The following CUBN variants were observed in gnomAD, a reference collection of about 807,000 sequenced individuals.
CUBN encodes the protein cubilin, also known as 460 kDa receptor.
CUBN carries 282 observed loss-of-function variants against 405.3 expected under a neutral mutation model. The observed-to-expected ratio is 0.70, with a 90% CI of 0.63 to 0.77. The LOEUF (loss-of-function observed/expected upper bound fraction) is 0.77, where lower values mean the gene tolerates loss of function less well. Among genes scored for constraint, CUBN ranks in the 30% least tolerant of loss-of-function variants. CUBN has a pLI of 0.00. For missense variants in CUBN, 4,514 were observed against 4,475.2 expected, an observed-to-expected ratio of 1.01 and a Z score of -0.25; for synonymous variants, 1,684 against 1,617.0, an observed-to-expected ratio of 1.04 and a Z score of -0.99.
intron 27 of CUBN, among the ~76,000 whole-genome samples, chr10:17,025,170 A>G (rs1834624357): frequency 6.6e-6 from 1 of 152,210 alleles, no homozygotes; most frequent in Admixed American, 6.5e-5. Context: ...GGTGTAGTAG[A>G]GAATCCCCTA....
At chr10:16,964,939 G>C (rs116619869) in intron 31 of CUBN, among the ~76,000 whole-genome samples, 2 of 152,146 alleles carry the variant, frequency 1.3e-5, no homozygotes, top group African/African-American at 4.8e-5. Flanking sequence ...CACAAACCCC[G>C]AAAATCAGTG....
At chr10:17,012,216 G>A (rs768593211) in intron 28 of CUBN, among the ~76,000 whole-genome samples, 21 of 152,202 alleles carry the variant, frequency 1.4e-4, no homozygotes, top group Admixed American at 4.6e-4. Flanking sequence ...TACAGGGCCC[G>A]AAGGCAAGTA....
At chr10:16,969,361 AT>A (rs5783522) in intron 31 of CUBN, among the ~76,000 whole-genome samples, 72 of 148,380 alleles carry the variant, frequency 4.9e-4, no homozygotes, top group East Asian at 5.9e-4. Flanking sequence ...TTACTGCTCC[AT>A]TTTTTTTTTT....
chr10:16,896,935 C>G (rs1388321338), intron 54 of CUBN, among the ~76,000 whole-genome samples: 1 of 152,142 alleles, frequency 6.6e-6, no homozygotes, highest in Non-Finnish European at 1.5e-5. Flanking sequence ...TCTGTCATCT[C>G]CATGCTACTA....
Position 16,840,990 on chromosome 10 carries a change from C to T in CUBN, c.9721G>A (p.Val3241Ile), listed in dbSNP as rs984150630. ...NLAGTFCGST[V>I]PAPFISSGNF... ...CCAGAAGAGATAAAAGGAGCAGGTA[C>T]TGTGGAACCACAAAACGTTCCAGCC... The change falls in exon 61 of 67, where the codon GTA becomes ATA. Residue 3241 changes from valine (V) to isoleucine (I), a missense_variant. By Grantham distance (29) the Val-to-Ile change is conservative. Around this residue, in one of 5 missense-constraint regions of CUBN, gnomAD observed 1,186 missense variants for 1,186.9 expected, o/e 1.00. Transcript: ENST00000377833. The T allele has an allele frequency of 5.0e-6, 8 of 1,614,016 alleles. No individual in the cohort carries two copies. The African/African-American group carries it at 6.7e-5, about 13-fold the overall frequency.
chr10:17,027,517 C>T (rs1028848944), intron 27 of CUBN, among the ~76,000 whole-genome samples: 1 of 152,098 alleles, frequency 6.6e-6, no homozygotes, highest in Non-Finnish European at 1.5e-5. Flanking sequence ...TTTAATCTAG[C>T]TTTTTCTACA....
intron 27 of CUBN, among the ~76,000 whole-genome samples, chr10:17,028,275 T>G (rs1048247450): frequency 1.3e-5 from 2 of 150,896 alleles, no homozygotes; most frequent in Non-Finnish European, 1.5e-5. Flanking sequence ...CCTCTTAAAA[T>G]TCTCACCACC....
intron 28 of CUBN, among the ~76,000 whole-genome samples, chr10:17,006,493 A>G (rs1445912698): frequency 1.3e-5 from 2 of 152,158 alleles, no homozygotes; most frequent in Non-Finnish European, 2.9e-5. Flanking sequence ...CATGTACTCT[A>G]AGTCACAAAA....
At chr10:17,005,351 T>C in intron 28 of CUBN, among the ~76,000 whole-genome samples, 1 of 152,208 alleles carries the variant, frequency 6.6e-6, no homozygotes, top group East Asian at 1.9e-4. Context: ...TGCATATCTG[T>C]TATGTACTGT....
intron 31 of CUBN, among the ~76,000 whole-genome samples, chr10:16,976,205 C>T (rs1445501168): frequency 2.0e-5 from 3 of 152,000 alleles, no homozygotes; most frequent in African/African-American, 7.2e-5. Flanking sequence ...CTCCTGGGCT[C>T]AAGTGATCCT....
chr10:16,972,228 G>C (rs1304504272), intron 31 of CUBN, among the ~76,000 whole-genome samples: 1 of 151,784 alleles, frequency 6.6e-6, no homozygotes, highest in East Asian at 1.9e-4. Context: ...CCTTTCTCTT[G>C]GTAAAATACT....
chr10:16,831,337 T>C lies in CUBN; in HGVS notation c.10443A>G (p.Gln3481=). ...GTLLPNPVFS[Q]NNELYLRFKS... The stretch of plus-strand genomic sequence containing the variant: ...TAAATCGTAGGTATAGTTCATTATT[T>C]TGAGAGAAGACAGGGTTTGGCAGCA... The change falls in exon 65 of 67, where the codon CAA becomes CAG. Residue 3481 remains glutamine, a synonymous_variant. Transcript: ENST00000377833. 2 of 1,614,058 alleles carry C rather than the reference T, an allele frequency of 1.2e-6. No homozygotes were observed. The highest frequency in any genetic ancestry group is 2.2e-5 in the South Asian group (2 of 91,086).
chr10:16,880,085 T>A (rs144274158), intron 56 of CUBN, among the ~76,000 whole-genome samples: 14 of 152,276 alleles, frequency 9.2e-5, no homozygotes, highest in African/African-American at 3.1e-4. Context: ...ATTGAGAGAT[T>A]TGAGGCACAC....
intron 31 of CUBN, among the ~76,000 whole-genome samples, chr10:16,957,436 C>A (rs1018354776): frequency 1.3e-5 from 2 of 152,162 alleles, no homozygotes; most frequent in African/African-American, 4.8e-5. Flanking sequence ...ATCCATTCAT[C>A]CATTGATAAG....
At chr10:17,113,137 T>C in intron 8 of CUBN, among the ~76,000 whole-genome samples, 1 of 151,914 alleles carries the variant, frequency 6.6e-6, no homozygotes, top group East Asian at 1.9e-4. Context: ...TGGTGAGGTG[T>C]GCCTGTAATC....
chr10:16,893,965 A>T (rs1841108803), intron 54 of CUBN, among the ~76,000 whole-genome samples: 1 of 152,202 alleles, frequency 6.6e-6, no homozygotes, highest in South Asian at 2.1e-4. Flanking sequence ...GTTTTAATTC[A>T]TACTTCTCCA....
intron 29 of CUBN, among the ~76,000 whole-genome samples, chr10:16,985,258 G>A (rs45544432): frequency 2.0e-4 from 31 of 152,212 alleles, no homozygotes; most frequent in Non-Finnish European, 2.4e-4. Context: ...GAATAGAAGA[G>A]CAGAGGAGGA....
Position 17,068,697 on chromosome 10 carries a change from G to A in CUBN, c.2699C>T (p.Thr900Ile). 2 of 1,611,716 alleles carry A rather than the reference G, an allele frequency of 1.2e-6. No homozygotes were observed. Among genetic ancestry groups the A allele is most frequent in the Non-Finnish European group, 1.7e-6 (2 of 1,178,138 alleles). ...YCGTDIPSFI[T>I]SVYNFLYVTF... ...GACATAAAGAAAATTGTACACAGAT[G>A]TTATAAATGAAGGTATGTCTGTACC... is the stretch of plus-strand genomic sequence containing the variant. Residue 900 changes from threonine to isoleucine, a missense_variant, in exon 20 of 67, where the codon ACA (threonine) becomes ATA (isoleucine). By Grantham distance (89) the Thr-to-Ile change is moderately conservative (BLOSUM62 -1). This residue lies in a region of CUBN where 1,448 missense variants were observed against 1,388.0 expected (regional missense o/e 1.04). Transcript: ENST00000377833.
At position 17,105,134 on chromosome 10, in the gene CUBN, ATG is replaced by A. The variant is rs201121557; in HGVS notation, c.1230+321_1230+322del. 2.1e-3 allele frequency among the ~76,000 whole-genome samples: 319 copies of A among 152,180 alleles called. 12 individuals are homozygous for A. In the East Asian group the frequency reaches 0.054, roughly 26 times the overall value. On this transcript the variant is annotated intron_variant, in intron 11 of 66. Transcript: ENST00000377833. ...TATTTAACAGGTGCTACAAATATAT[ATG>A]TGTTTATATGTAAGTATTTTCTAGT...
Sources: gnomAD v4.1 joint callset for allele counts (sites outside exome capture counted in the v4.1 genomes callset) on GRCh38, gnomAD v4.1.1 for gene constraint, gnomAD v4.1.1 regional missense constraint, MANE v1.5 for transcripts, NCBI Gene and HGNC (gene_info 2026-07-23, HGNC 2026-07-21) for gene names.